Variants in PRORP observed in about 807,000 individuals in gnomAD.
PRORP encodes protein only RNase P catalytic subunit.
Under a neutral mutation model 59.4 loss-of-function variants are expected in PRORP, and 51 were observed. The ratio of observed to expected loss-of-function variants is 0.86; its 90% CI spans 0.69 to 1.08. The LOEUF (loss-of-function observed/expected upper bound fraction) is 1.08. Among genes scored for constraint, PRORP ranks in the 50% least tolerant of loss-of-function variants. PRORP has a pLI of 0.00. For synonymous variants in PRORP, 231 were observed against 245.6 expected (o/e 0.94, Z 0.55); for missense variants, 646 against 690.3 (o/e 0.94, Z 0.72).
In PRORP at chr14:35,273,905, C is replaced by A. The variant is rs1463147982; in HGVS notation, c.*339C>A. 1 of 179,154 alleles carries A rather than the reference C, an allele frequency of 5.6e-6. No individual in the cohort carries two copies. The highest frequency in any genetic ancestry group is 1.2e-5 in the Non-Finnish European group (1 of 85,426). 11.1% of individuals were successfully genotyped at this position (179,154 alleles called of 1,614,324 possible). A position where few individuals can be genotyped will look rare whatever the true frequency, so the allele number is the denominator to read the frequency against. ...TTTTGCTACTTCTGACCTTGCCTTC[C>A]AGGCCTACCAATAGCAGAATCAATC... On this transcript the variant is annotated 3_prime_UTR_variant, in exon 8 of 8. Transcript: ENST00000534898.
At chr14:35,271,265 C>T (rs1271939291) in intron 7 of PRORP, among the ~76,000 whole-genome samples, 1 of 147,800 alleles carries the variant, frequency 6.8e-6, no homozygotes, top group African/African-American at 2.5e-5. Flanking sequence ...TTCAAGCGAT[C>T]CTCCTGCCTC....
chr14:35,253,645 GC>G (rs1306224116), intron 5 of PRORP, among the ~76,000 whole-genome samples: 1 of 152,046 alleles, frequency 6.6e-6, no homozygotes, highest in Non-Finnish European at 1.5e-5. Flanking sequence ...TCTCAGTCCT[GC>G]CCCCTCTGGC....
intron 4 of PRORP, among the ~76,000 whole-genome samples, chr14:35,149,689 A>G (rs990267563): frequency 1.3e-5 from 2 of 152,206 alleles, no homozygotes; most frequent in Non-Finnish European, 2.9e-5. Flanking sequence ...TGTTTCATCC[A>G]GACCACCAAA....
chr14:35,259,389 T>C (rs1330975429), intron 5 of PRORP, among the ~76,000 whole-genome samples: 1 of 152,198 alleles, frequency 6.6e-6, no homozygotes, highest in African/African-American at 2.4e-5. Context: ...GGTCATGTTT[T>C]TTAATCCATT....
chr14:35,141,510 C>CT (rs2047480239), intron 4 of PRORP, among the ~76,000 whole-genome samples: 1 of 144,934 alleles, frequency 6.9e-6, no homozygotes, highest in Non-Finnish European at 1.5e-5. Context: ...TCTAGTGGTC[C>CT]TCCCACCTTG....
chr14:35,166,897 T>C (rs2048198988), intron 4 of PRORP, among the ~76,000 whole-genome samples: 1 of 152,202 alleles, frequency 6.6e-6, no homozygotes, highest in Non-Finnish European at 1.5e-5. Flanking sequence ...TACTTACCCC[T>C]TCATTGTCCC....
At chr14:35,187,465 C>T (rs2048769283) in intron 5 of PRORP, among the ~76,000 whole-genome samples, 2 of 149,326 alleles carry the variant, frequency 1.3e-5, no homozygotes, top group Admixed American at 6.6e-5. Flanking sequence ...TCACTGTCAC[C>T]GAAGCTGGAG....
At chr14:35,253,256 G>A (rs1299801402) in intron 5 of PRORP, among the ~76,000 whole-genome samples, 1 of 151,668 alleles carries the variant, frequency 6.6e-6, no homozygotes, top group Non-Finnish European at 1.5e-5. Flanking sequence ...CTTGAGCCCA[G>A]GAGGTCGAGG....
At chr14:35,146,553 T>A (rs1255715270) in intron 4 of PRORP, among the ~76,000 whole-genome samples, 2 of 152,246 alleles carry the variant, frequency 1.3e-5, no homozygotes, top group African/African-American at 4.8e-5. Context: ...ATCTCTAAAA[T>A]GAACTGTGGG....
intron 6 of PRORP, among the ~76,000 whole-genome samples, chr14:35,267,566 G>A (rs1354029403): frequency 6.6e-6 from 1 of 152,004 alleles, no homozygotes; most frequent in Non-Finnish European, 1.5e-5. Context: ...GGCAGATCAC[G>A]AGGTCAGGAG....
intron 4 of PRORP, among the ~76,000 whole-genome samples, chr14:35,149,296 C>T (rs972025171): frequency 1.1e-4 from 17 of 151,738 alleles, no homozygotes; most frequent in Non-Finnish European, 2.2e-4. Context: ...TCCACTGGGG[C>T]CTCGAACTCC....
chr14:35,162,199 G>T (rs1312671203), intron 4 of PRORP, among the ~76,000 whole-genome samples: 1 of 151,906 alleles, frequency 6.6e-6, no homozygotes, highest in East Asian at 1.9e-4. Context: ...TTACACATTT[G>T]TAATTTCTCA....
At chr14:35,132,326 C>T (rs1414720076) in intron 4 of PRORP, among the ~76,000 whole-genome samples, 6 of 149,666 alleles carry the variant, frequency 4.0e-5, no homozygotes, top group African/African-American at 7.4e-5. Context: ...GGCGTGGTGG[C>T]GGGCCTCTGT....
chr14:35,138,916 G>A (rs986663192), intron 4 of PRORP, among the ~76,000 whole-genome samples: 1 of 144,310 alleles, frequency 6.9e-6, no homozygotes, highest in African/African-American at 2.5e-5. Flanking sequence ...TCAGCCTCCC[G>A]AGTGGCTGGG....
chr14:35,270,288 G>T, intron 6 of PRORP, 113 bp from the exon 7 acceptor site: 2 of 935,304 alleles, frequency 2.1e-6, no homozygotes, highest in Non-Finnish European at 3.3e-6. Context: ...GCATCATGTT[G>T]GTCAAGAAAT....
At chr14:35,229,121 C>T (rs1267490383) in intron 5 of PRORP, among the ~76,000 whole-genome samples, 1 of 152,142 alleles carries the variant, frequency 6.6e-6, no homozygotes, top group Non-Finnish European at 1.5e-5. Context: ...ATGTCTTTTG[C>T]CCACTTTGTA....
intron 6 of PRORP, among the ~76,000 whole-genome samples, chr14:35,268,555 A>T (rs957587701): frequency 6.6e-6 from 1 of 152,134 alleles, no homozygotes; most frequent in Non-Finnish European, 1.5e-5. Context: ...TCTAGGTTTC[A>T]TAGTCTGAAT....
intron 4 of PRORP, among the ~76,000 whole-genome samples, chr14:35,145,128 G>A (rs566760353): frequency 6.9e-6 from 1 of 144,070 alleles, no homozygotes; most frequent in South Asian, 2.3e-4. Flanking sequence ...ACACCACCAC[G>A]ACCAGCTAAT....
chr14:35,231,559 CAT>C (rs2050082292), intron 5 of PRORP, among the ~76,000 whole-genome samples: 1 of 152,136 alleles, frequency 6.6e-6, no homozygotes, highest in South Asian at 2.1e-4. Flanking sequence ...GAACAGAAAA[CAT>C]ATGGTTAGTA....
Sources: gnomAD v4.1 joint callset for allele counts (sites outside exome capture counted in the v4.1 genomes callset) on GRCh38, gnomAD v4.1.1 for gene constraint, MANE v1.5 for transcripts, NCBI Gene and HGNC (gene_info 2026-07-23, HGNC 2026-07-21) for gene names.